The following RALGPS1 variants were observed in gnomAD, a reference collection of about 807,000 sequenced individuals.
The protein encoded by RALGPS1 is ras-specific guanine nucleotide-releasing factor RalGPS1.
In RALGPS1, 19 loss-of-function variants were observed where a neutral mutation model predicts 78.8. That is an observed-to-expected ratio of 0.24 (90% CI 0.17 to 0.35). RALGPS1 has a LOEUF of 0.35. RALGPS1 is among the 10% of genes least tolerant of loss of function. The pLI, the probability that RALGPS1 is intolerant of heterozygous loss-of-function variation, is 1.00. For missense variants in RALGPS1, 454 were observed against 688.3 expected (o/e 0.66, Z 3.81); for synonymous variants, 228 against 256.3 (o/e 0.89, Z 1.06).
At chr9:127,039,302 A>G (rs2134876852) in intron 5 of RALGPS1, among the ~76,000 whole-genome samples, 1 of 152,348 alleles carries the variant, frequency 6.6e-6, no homozygotes, top group South Asian at 2.1e-4. Context: ...TCAGTGTTTC[A>G]GAAATGAGGG....
intron 8 of RALGPS1, among the ~76,000 whole-genome samples, chr9:127,119,190 C>T (rs190439830): frequency 3.3e-5 from 5 of 152,308 alleles, no homozygotes; most frequent in Admixed American, 6.5e-5. Context: ...CATATTACCA[C>T]ATAACAGGTA....
At chr9:127,151,407 C>G (rs1278092279) in intron 8 of RALGPS1, among the ~76,000 whole-genome samples, 1 of 152,072 alleles carries the variant, frequency 6.6e-6, no homozygotes, top group Admixed American at 6.5e-5. Context: ...AAGCAATTGA[C>G]ATATCATCAG....
intron 8 of RALGPS1, among the ~76,000 whole-genome samples, chr9:127,073,143 A>G (rs1427978362): frequency 1.3e-5 from 2 of 152,122 alleles, no homozygotes; most frequent in Non-Finnish European, 2.9e-5. Context: ...TGTTAACCAT[A>G]ATCACCCTAC....
intron 1 of RALGPS1, among the ~76,000 whole-genome samples, chr9:126,956,049 A>G (rs78831525): frequency 1.3e-5 from 2 of 152,020 alleles, no homozygotes; most frequent in Admixed American, 1.3e-4. Flanking sequence ...CATCCCTCTG[A>G]CCAGACTGTC....
At chr9:127,144,725 A>G (rs1044288268) in intron 8 of RALGPS1, among the ~76,000 whole-genome samples, 19 of 152,240 alleles carry the variant, frequency 1.2e-4, no homozygotes, top group Admixed American at 9.2e-4. Context: ...TGAAAACGCT[A>G]AGTGAAAGAA....
chr9:126,959,767 T>TCGC (rs2038703328), intron 1 of RALGPS1, among the ~76,000 whole-genome samples: 1 of 152,162 alleles, frequency 6.6e-6, no homozygotes, highest in East Asian at 1.9e-4. Flanking sequence ...TAACCTAAGT[T>TCGC]TTAAACTCAC....
intron 6 of RALGPS1, 81 bp from the exon 7 acceptor site, chr9:127,052,766 A>T (rs1460773788): frequency 1.2e-6 from 1 of 856,576 alleles, no homozygotes; most frequent in East Asian, 2.4e-5. Flanking sequence ...TTTCATAAAT[A>T]TGACATTTGG....
chr9:127,184,910 G>C (rs2060537888), intron 11 of RALGPS1, among the ~76,000 whole-genome samples: 1 of 152,232 alleles, frequency 6.6e-6, no homozygotes, highest in African/African-American at 2.4e-5. Flanking sequence ...AGGGCTGCCA[G>C]GCTGCTTAAA....
At chr9:127,112,924 C>A (rs1284120676) in intron 8 of RALGPS1, among the ~76,000 whole-genome samples, 1 of 152,194 alleles carries the variant, frequency 6.6e-6, no homozygotes, top group East Asian at 1.9e-4. Context: ...GAGTGACTTA[C>A]TAGTGTTATG....
At chr9:127,088,921 T>A (rs372986660) in intron 8 of RALGPS1, 5 of 1,613,952 alleles carry the variant, frequency 3.1e-6, no homozygotes, top group Non-Finnish European at 3.4e-6. Context: ...CCACGAGAGG[T>A]CAGGAGGGGG....
At chr9:126,948,174 T>C (rs1317007911) in intron 1 of RALGPS1, among the ~76,000 whole-genome samples, 2 of 152,126 alleles carry the variant, frequency 1.3e-5, no homozygotes, top group African/African-American at 2.4e-5. Flanking sequence ...ATTTTATACC[T>C]TTTTATCCAG....
At chr9:126,922,660 A>G (rs901656036) in intron 1 of RALGPS1, among the ~76,000 whole-genome samples, 11 of 152,148 alleles carry the variant, frequency 7.2e-5, no homozygotes, top group African/African-American at 2.4e-4. Context: ...TTGCTCTCCT[A>G]CTGGGCTCCC....
intron 4 of RALGPS1, among the ~76,000 whole-genome samples, chr9:127,004,798 C>T (rs923241109): frequency 2.2e-4 from 34 of 152,032 alleles, no homozygotes; most frequent in African/African-American, 8.2e-4. Context: ...AGTGGTTGCA[C>T]GACATCTGCA....
chr9:127,141,015 G>C (rs1472042648), intron 8 of RALGPS1, among the ~76,000 whole-genome samples: 2 of 152,190 alleles, frequency 1.3e-5, no homozygotes, highest in African/African-American at 4.8e-5. Flanking sequence ...TGCTGGGAAA[G>C]ACCAGGCACC....
At chr9:126,966,566 T>C (rs1343234502) in intron 3 of RALGPS1, among the ~76,000 whole-genome samples, 1 of 147,800 alleles carries the variant, frequency 6.8e-6, no homozygotes, top group African/African-American at 2.5e-5. Context: ...ACATATGACA[T>C]GTATTTGCAT....
chr9:127,155,016 TGACGTTA>T (rs1407989332), intron 8 of RALGPS1, among the ~76,000 whole-genome samples: 1 of 152,198 alleles, frequency 6.6e-6, no homozygotes, highest in Non-Finnish European at 1.5e-5. Context: ...TTCCTTTTAG[TGACGTTA>T]GCTCCTCTGG....
intron 4 of RALGPS1, among the ~76,000 whole-genome samples, chr9:126,991,921 A>G (rs896239883): frequency 3.3e-5 from 5 of 152,254 alleles, no homozygotes; most frequent in African/African-American, 1.2e-4. Flanking sequence ...CTCTGGGCTC[A>G]GCAGTATGTA....
chr9:126,946,695 C>T (rs1385578859), intron 1 of RALGPS1, among the ~76,000 whole-genome samples: 1 of 152,062 alleles, frequency 6.6e-6, no homozygotes, highest in African/African-American at 2.4e-5. Flanking sequence ...ACCTCTGATG[C>T]ACCCAGGGCT....
chr9:126,979,053 A>C (rs1195749743), intron 4 of RALGPS1, among the ~76,000 whole-genome samples: 1 of 152,180 alleles, frequency 6.6e-6, no homozygotes, highest in African/African-American at 2.4e-5. Flanking sequence ...AATACTCTTA[A>C]CTTAATGCCT....
Sources: gnomAD v4.1 joint callset for allele counts (sites outside exome capture counted in the v4.1 genomes callset) on GRCh38, gnomAD v4.1.1 for gene constraint, MANE v1.5 for transcripts, NCBI Gene and HGNC (gene_info 2026-07-23, HGNC 2026-07-21) for gene names.